The following TMED3 variants were observed in gnomAD, a reference collection of about 807,000 sequenced individuals.
TMED3 encodes the protein transmembrane emp24 domain-containing protein 3.
TMED3 carries 9 observed loss-of-function variants against 15.0 expected under a neutral mutation model. That is an observed-to-expected ratio of 0.60 (90% CI 0.36 to 1.04). The LOEUF is 1.04. TMED3 is among the 50% of genes least tolerant of loss of function. The probability of loss-of-function intolerance (pLI) is 0.01; values close to 1 mark genes in which losing one functional copy is unlikely to be tolerated. For synonymous variants in TMED3, 117 were observed against 121.4 expected, an observed-to-expected ratio of 0.96 and a Z score of 0.24; for missense variants, 267 against 278.9, an observed-to-expected ratio of 0.96 and a Z score of 0.30.
intron 2 of TMED3, among the ~76,000 whole-genome samples, chr15:79,353,477 A>C (rs947044326): frequency 2.9e-5 from 3 of 102,212 alleles, no homozygotes; most frequent in African/African-American, 1.2e-4. Context: ...GGGGGAAAAA[A>C]GGTCCCAATG....
intron 2 of TMED3, among the ~76,000 whole-genome samples, chr15:79,369,093 T>TAA (rs34005997): frequency 1.0e-4 from 13 of 128,666 alleles, no homozygotes; most frequent in African/African-American, 4.0e-4. Flanking sequence ...GACTCTGTCT[T>TAA]AAAAAAAAAA....
At chr15:79,392,212 G>A (rs1358137810) in intron 2 of TMED3, among the ~76,000 whole-genome samples, 1 of 152,010 alleles carries the variant, frequency 6.6e-6, no homozygotes, top group Non-Finnish European at 1.5e-5. Context: ...TGAGATTTAT[G>A]CTTTAAAGAG....
At chr15:79,311,550 C>T (rs1329618928) in intron 1 of TMED3, 133 bp downstream of exon 1, 2 of 1,120,924 alleles carry the variant, frequency 1.8e-6, no homozygotes, top group Non-Finnish European at 2.5e-6. Flanking sequence ...TGGGAGTCCC[C>T]GGAGACCAGT....
chr15:79,328,747 C>T (rs752025726), intron 2 of TMED3, among the ~76,000 whole-genome samples: 3 of 152,202 alleles, frequency 2.0e-5, no homozygotes, highest in Admixed American at 6.5e-5. Context: ...AACTCTCTCA[C>T]ACACACAGCT....
chr15:79,330,028 C>T lies in TMED3; in HGVS notation c.417+16023C>T, dbSNP rs2058802344. ...GATGCCCGGTGGTCATTCCCCACCT[C>T]CTCGCCTCACCACACCCCAAGAAAG... On this transcript the variant is annotated intron_variant, in intron 2 of 2. Coordinates refer to the TMED3 transcript ENST00000424155. Among the ~76,000 whole-genome samples the T allele has an allele frequency of 2.0e-5, 3 of 152,260 alleles. No individual in the cohort carries two copies. The South Asian group carries it at 6.2e-4, about 32-fold the overall frequency.
intron 2 of TMED3, among the ~76,000 whole-genome samples, chr15:79,390,290 A>T (rs544106011): frequency 1.3e-5 from 2 of 152,228 alleles, no homozygotes; most frequent in South Asian, 4.1e-4. Flanking sequence ...TGAGAGTTAT[A>T]ATCATGAAGC....
intron 2 of TMED3, among the ~76,000 whole-genome samples, chr15:79,382,168 T>G (rs376243047): frequency 9.9e-5 from 15 of 152,262 alleles, no homozygotes; most frequent in African/African-American, 3.4e-4. Flanking sequence ...CTCAGCAACA[T>G]GAATGGCAGG....
rs1172997917 is a variant in TMED3 at position 79,383,147 on chromosome 15, C to T, written c.418-28253C>T. 1.0e-5 allele frequency: 9 copies of T among 867,664 alleles called. No individual in the cohort carries two copies. The East Asian group carries it at 1.9e-4, about 18-fold the overall frequency. The allele number at this position is 867,664 out of a possible 1,614,324, so 53.7% of individuals were successfully genotyped here. A position where few individuals can be genotyped will look rare whatever the true frequency, so the allele number is the denominator to read the frequency against. Reference sequence around the variant, plus strand: ...CTGCCATGGTGCACTTCACTTCCTGCCTTGTCCACTCTCACCTGCACCAGT... The same window carrying T: ...CTGCCATGGTGCACTTCACTTCCTGTCTTGTCCACTCTCACCTGCACCAGT... On this transcript the variant is annotated intron_variant, in intron 2 of 2. Coordinates refer to the TMED3 transcript ENST00000424155.
At chr15:79,395,215 T>A (rs10438381) in intron 2 of TMED3, among the ~76,000 whole-genome samples, 22,157 of 152,132 alleles carry the variant, frequency 0.15, 1,711 homozygotes, top group East Asian at 0.2. Context: ...GTTCCACTCT[T>A]GTTGCCCAGG....
At chr15:79,332,121 A>G (rs1248648581) in intron 2 of TMED3, among the ~76,000 whole-genome samples, 5 of 152,250 alleles carry the variant, frequency 3.3e-5, no homozygotes, top group Admixed American at 1.3e-4. Context: ...TAACCAAATG[A>G]AAAGTGAGGC....
chr15:79,397,329 T>C (rs146308895), intron 2 of TMED3, among the ~76,000 whole-genome samples: 20 of 152,366 alleles, frequency 1.3e-4, no homozygotes, highest in Non-Finnish European at 2.4e-4. Context: ...AAGTATTGTG[T>C]ACATAGCAGT....
intron 2 of TMED3, among the ~76,000 whole-genome samples, chr15:79,396,862 A>G (rs117988009): frequency 5.3e-4 from 81 of 152,370 alleles, no homozygotes; most frequent in Non-Finnish European, 9.8e-4. Context: ...ACATGTTGAA[A>G]TAATATTTTG....
chr15:79,329,456 G>A (rs948179770), intron 2 of TMED3, among the ~76,000 whole-genome samples: 3 of 152,252 alleles, frequency 2.0e-5, no homozygotes, highest in Admixed American at 6.5e-5. Context: ...AACTCCACTT[G>A]TTAAATAGCC....
At chr15:79,346,736 G>A (rs1229617587) in intron 2 of TMED3, among the ~76,000 whole-genome samples, 1 of 152,086 alleles carries the variant, frequency 6.6e-6, no homozygotes, top group African/African-American at 2.4e-5. Context: ...TCCTGCCTAT[G>A]GCTAGCGAAT....
chr15:79,346,988 T>C (rs895453893), intron 2 of TMED3, among the ~76,000 whole-genome samples: 1 of 152,062 alleles, frequency 6.6e-6, no homozygotes, highest in African/African-American at 2.4e-5. Flanking sequence ...CTAAAACTAC[T>C]CCAAAAATTT....
At chr15:79,410,047 T>C (rs574726511) in intron 2 of TMED3, among the ~76,000 whole-genome samples, 1 of 152,312 alleles carries the variant, frequency 6.6e-6, no homozygotes, top group Admixed American at 6.5e-5. Context: ...CCTATGCTCC[T>C]TTCATACCCG....
chr15:79,409,889 T>C (rs1567041966), intron 2 of TMED3, among the ~76,000 whole-genome samples: 2 of 152,146 alleles, frequency 1.3e-5, no homozygotes. Flanking sequence ...TCCTGAACTG[T>C]AAAATAAGCT....
intron 2 of TMED3, 109 bp from the exon 3 acceptor site, chr15:79,321,867 GTT>G: frequency 7.6e-7 from 1 of 1,307,930 alleles, no homozygotes; most frequent in Non-Finnish European, 1.1e-6. Context: ...CAGACTCTTA[GTT>G]AGCATTCAGT....
intron 2 of TMED3, among the ~76,000 whole-genome samples, chr15:79,353,815 GGAT>G (rs2141236379): frequency 6.6e-6 from 1 of 152,162 alleles, no homozygotes; most frequent in South Asian, 2.1e-4. Context: ...CAAAGCCTAA[GGAT>G]GCCACTCCTT....
Sources: allele counts gnomAD v4.1 joint callset (sites outside exome capture counted in the v4.1 genomes callset), GRCh38; gene constraint gnomAD v4.1.1; transcripts MANE v1.5; gene names NCBI Gene and HGNC (gene_info 2026-07-23, HGNC 2026-07-21).